Variants in CYP3A4 observed in about 807,000 individuals in gnomAD.
The protein encoded by CYP3A4 is cytochrome P450 family 3 subfamily A member 4, also known as cytochrome P450 3A4.
In CYP3A4, 41 loss-of-function variants were observed where a neutral mutation model predicts 54.9. The observed-to-expected ratio is 0.75, with a 90% confidence interval of 0.58 to 0.97. CYP3A4 has a LOEUF of 0.97. Ranked by LOEUF, CYP3A4 falls within the 50% of genes least tolerant of loss-of-function variation. The pLI is 0.00. For missense variants in CYP3A4, 510 were observed against 597.3 expected (o/e 0.85, Z 1.52); for synonymous variants, 179 against 205.2 (o/e 0.87, Z 1.09).
At chr7:99,772,919 A>G (rs1425192790) in intron 3 of CYP3A4, among the ~76,000 whole-genome samples, 1 of 152,166 alleles carries the variant, frequency 6.6e-6, no homozygotes, top group East Asian at 1.9e-4. Flanking sequence ...AGGAAGAGAC[A>G]TTGAAAGACA....
At chr7:99,768,274 T>C in intron 7 of CYP3A4, 80 bp downstream of exon 7, 4 of 1,404,734 alleles carry the variant, frequency 2.8e-6, no homozygotes, top group Non-Finnish European at 3.0e-6. Flanking sequence ...AGTGGATGAA[T>C]TACATGGTGA....
intron 3 of CYP3A4, among the ~76,000 whole-genome samples, chr7:99,776,716 T>G (rs752513287): frequency 3.3e-5 from 5 of 151,558 alleles, no homozygotes; most frequent in Admixed American, 6.6e-5. Flanking sequence ...AGGGGAGAGA[T>G]AGCATTAGGA....
At chr7:99,764,052 T>C in intron 9 of CYP3A4, 37 bp from the exon 10 acceptor site, 1 of 1,612,974 alleles carries the variant, frequency 6.2e-7, no homozygotes, top group East Asian at 2.2e-5. Flanking sequence ...GTAAATCAGA[T>C]CAATGTAGGG....
At chr7:99,774,412 C>T (rs925371704) in intron 3 of CYP3A4, among the ~76,000 whole-genome samples, 2 of 152,166 alleles carry the variant, frequency 1.3e-5, no homozygotes, top group African/African-American at 4.8e-5. Context: ...AGTCCAATAT[C>T]CCTAAAGAAT....
intron 4 of CYP3A4, among the ~76,000 whole-genome samples, chr7:99,771,350 A>G (rs1815628241): frequency 6.6e-6 from 1 of 152,210 alleles, no homozygotes; most frequent in Admixed American, 6.6e-5. Context: ...CAAGAAAAAC[A>G]TAATATCATT....
At position 99,784,007 on chromosome 7, in the gene CYP3A4, T is replaced by A; in HGVS notation, c.71+4A>T. On this transcript the variant is annotated splice_donor_region_variant and intron_variant, in intron 1 of 12. Transcript: ENST00000651514. ...AGAGAAGAGGAGCCTGGACAGTTAC[T>A]CACAGATAGAGGAGCACCAGGCTGA... is the stretch of plus-strand genomic sequence containing the variant. 8 of 1,613,754 alleles carry A rather than the reference T, an allele frequency of 5.0e-6. No individual in the cohort carries two copies. Among genetic ancestry groups the A allele is most frequent in the Non-Finnish European group, 6.8e-6 (8 of 1,179,736 alleles).
chr7:99,783,925 T>A (rs1815992323), intron 1 of CYP3A4, 86 bp downstream of exon 1: 5 of 1,450,934 alleles, frequency 3.4e-6, no homozygotes, highest in Non-Finnish European at 2.9e-6. Flanking sequence ...TCTTTTTTGA[T>A]CTTCAAAACA....
chr7:99,769,660 C>T lies in CYP3A4; in HGVS notation c.521+108G>A, dbSNP rs2151559770. ...TTGAAGTTGCATTACCACAGCCCTC[C>T]TTTTGTCTGGTCACTGGAATAACCC... On this transcript the variant is annotated intron_variant, in intron 6 of 12. Transcript: ENST00000651514. 8.9e-6 allele frequency: 12 copies of T among 1,341,210 alleles called. No individual in the cohort carries two copies. In the South Asian group the frequency reaches 1.5e-4, roughly 16 times the overall value. 83.1% of individuals were successfully genotyped at this position (1,341,210 alleles called of 1,614,324 possible).
At chr7:99,758,469 A>C (rs533316116) in intron 12 of CYP3A4, among the ~76,000 whole-genome samples, 3 of 152,360 alleles carry the variant, frequency 2.0e-5, no homozygotes, top group East Asian at 3.9e-4. Flanking sequence ...AGATGTGTGA[A>C]GATTGGACAG....
rs779102038 is a variant in CYP3A4, at chr7:99,770,121, C to A, written c.432+1G>T. 6.2e-7 allele frequency: 1 copy of A among 1,607,492 alleles called. No individual in the cohort carries two copies. Among genetic ancestry groups the A allele is most frequent in the East Asian group, 2.2e-5 (1 of 44,814 alleles). On this transcript the variant is annotated splice_donor_variant, in intron 5 of 12. Transcript: ENST00000651514. LOFTEE classifies it high-confidence loss of function. The stretch of plus-strand genomic sequence containing the variant: ...TATTAAAACTCATGTTATTTTCATA[C>A]CTCCTTGAGTTTTCCACTGGTGAAG...
At position 99,772,797 on chromosome 7, in the gene CYP3A4, G is replaced by A. The variant is rs978829504; in HGVS notation, c.219-108C>T. On this transcript the variant is annotated intron_variant, in intron 3 of 12. Coordinates refer to ENST00000651514, the MANE Select transcript of CYP3A4 (RefSeq NM_017460.6). ...CCTGACTTTACATAATCCCTTAGTT[G>A]TACAATACACAGTAATCTTAGGTTC... The A allele has an allele frequency of 4.5e-6, 5 of 1,120,168 alleles. No individual in the cohort carries two copies. In the African/African-American group the frequency reaches 4.7e-5, roughly 10 times the overall value. The allele number at this position is 1,120,168 out of a possible 1,614,324, so 69.4% of individuals were successfully genotyped here. A position where few individuals can be genotyped will look rare whatever the true frequency, so the allele number is the denominator to read the frequency against.
At position 99,760,857 on chromosome 7, in the gene CYP3A4, G is replaced by A. The variant is rs530166880; in HGVS notation, c.1378C>T (p.Leu460Phe). Reference protein sequence around the residue: ...MNMKLALIRVLQNFSFKPCKE... With the variant: ...MNMKLALIRVFQNFSFKPCKE... ...CAAGGTTTGAAGGAGAAGTTCTGAAGGACTCTGATTAGAGCAAGTTTCATG... is the reference window on the plus strand; with the variant it reads ...CAAGGTTTGAAGGAGAAGTTCTGAAAGACTCTGATTAGAGCAAGTTTCATG... The change falls in exon 12 of 13, where the codon CTT (leucine) becomes TTT (phenylalanine). Residue 460 changes from leucine to phenylalanine, a missense_variant. By Grantham distance (22) the Leu-to-Phe change is conservative. Transcript: ENST00000651514. 1 of 1,614,108 alleles carries A rather than the reference G, an allele frequency of 6.2e-7. No individual in the cohort carries two copies. Among genetic ancestry groups the A allele is most frequent in the African/African-American group, 1.3e-5 (1 of 75,056 alleles).
chr7:99,777,420 G>T (rs567297749), intron 3 of CYP3A4, among the ~76,000 whole-genome samples: 4 of 151,818 alleles, frequency 2.6e-5, no homozygotes, highest in Non-Finnish European at 5.9e-5. Context: ...GACAACCTTC[G>T]AAAAGTTTTA....
intron 10 of CYP3A4, among the ~76,000 whole-genome samples, chr7:99,762,930 C>A (rs1246910701): frequency 6.6e-6 from 1 of 152,194 alleles, no homozygotes; most frequent in Non-Finnish European, 1.5e-5. Context: ...TCTCTTCATA[C>A]CACAAAGAAT....
intron 2 of CYP3A4, among the ~76,000 whole-genome samples, chr7:99,778,697 C>T (rs2151565935): frequency 6.6e-6 from 1 of 152,248 alleles, no homozygotes; most frequent in East Asian, 1.9e-4. Flanking sequence ...AAAATGTCCC[C>T]TCTACACATC....
intron 8 of CYP3A4, 138 bp downstream of exon 8, chr7:99,766,993 C>T: frequency 1.4e-6 from 1 of 740,376 alleles, no homozygotes. Context: ...CAAATGAATT[C>T]TCTTGCTCTA....
At chr7:99,770,321 AT>A (rs1243369925) in intron 4 of CYP3A4, 86 bp from the exon 5 acceptor site, 2 of 1,238,724 alleles carry the variant, frequency 1.6e-6, no homozygotes, top group Non-Finnish European at 2.3e-6. Flanking sequence ...AGGAACACTT[AT>A]TCAACAACTA....
intron 2 of CYP3A4, among the ~76,000 whole-genome samples, chr7:99,778,723 C>T (rs1050002797): frequency 8.5e-5 from 13 of 152,182 alleles, no homozygotes; most frequent in African/African-American, 3.1e-4. Flanking sequence ...CAGCAAATTA[C>T]AACACTTGCT....
chr7:99,772,733 T>G (rs749611572), intron 3 of CYP3A4, 44 bp from the exon 4 acceptor site: 1 of 1,606,120 alleles, frequency 6.2e-7, no homozygotes, highest in Non-Finnish European at 8.5e-7. Flanking sequence ...ACAGCCTTAT[T>G]CTACAGCTGG....
Sources: allele counts gnomAD v4.1 joint callset (sites outside exome capture counted in the v4.1 genomes callset), GRCh38; gene constraint gnomAD v4.1.1; transcripts MANE v1.5; gene names NCBI Gene and HGNC (gene_info 2026-07-23, HGNC 2026-07-21).